PRDM10: variants seen among roughly 807,000 people sequenced by gnomAD.
PRDM10 encodes PR domain zinc finger protein 10.
Under a neutral mutation model 133.1 loss-of-function variants are expected in PRDM10, and 65 were observed. The ratio of observed to expected loss-of-function variants is 0.49; its 90% CI spans 0.40 to 0.60. PRDM10 has a LOEUF of 0.60. PRDM10 is among the 20% of genes least tolerant of loss of function. The pLI is 0.00. For synonymous variants in PRDM10, 582 were observed against 580.4 expected (o/e 1.00, Z -0.04); for missense variants, 1,137 against 1,507.1 (o/e 0.75, Z 4.07).
At chr11:129,934,528 G>C (rs575143837) in intron 9 of PRDM10, among the ~76,000 whole-genome samples, 50 of 151,522 alleles carry the variant, frequency 3.3e-4, no homozygotes, top group Non-Finnish European at 6.8e-4. Context: ...TTTTCCAGGT[G>C]TTATTTTTAT....
At chr11:129,928,406 T>C (rs1294684019) in intron 11 of PRDM10, among the ~76,000 whole-genome samples, 2 of 152,036 alleles carry the variant, frequency 1.3e-5, no homozygotes, top group Non-Finnish European at 2.9e-5. Flanking sequence ...GGGGGGTTTT[T>C]TGAGACATGG....
intron 13 of PRDM10, among the ~76,000 whole-genome samples, chr11:129,922,116 ATCT>A (rs1468466185): frequency 1.1e-4 from 17 of 152,314 alleles, no homozygotes; most frequent in South Asian, 4.1e-4. Flanking sequence ...CTGTAAGAAA[ATCT>A]TCTTCTGTAA....
At chr11:129,990,379 G>A (rs900737244) in intron 1 of PRDM10, among the ~76,000 whole-genome samples, 16 of 151,388 alleles carry the variant, frequency 1.1e-4, no homozygotes, top group African/African-American at 1.7e-4. Context: ...AAAATAAGCC[G>A]GGCGTGGTGG....
At chr11:129,990,250 G>A (rs756189997) in intron 1 of PRDM10, among the ~76,000 whole-genome samples, 2 of 152,084 alleles carry the variant, frequency 1.3e-5, no homozygotes, top group Non-Finnish European at 2.9e-5. Flanking sequence ...GGAGGCTGAG[G>A]CAGGAGAACA....
chr11:129,934,436 A>G (rs1233824019), intron 9 of PRDM10, among the ~76,000 whole-genome samples: 1 of 151,874 alleles, frequency 6.6e-6, no homozygotes, highest in African/African-American at 2.4e-5. Context: ...AACCACCCTC[A>G]TTCCTCCCCC....
At chr11:129,916,546 G>C (rs1950363853) in intron 15 of PRDM10, among the ~76,000 whole-genome samples, 1 of 152,230 alleles carries the variant, frequency 6.6e-6, no homozygotes, top group Non-Finnish European at 1.5e-5. Context: ...GCAGAGGCAG[G>C]AGAATCGCTT....
intron 1 of PRDM10, among the ~76,000 whole-genome samples, chr11:129,988,134 T>C (rs2135985989): frequency 6.6e-6 from 1 of 152,288 alleles, no homozygotes; most frequent in East Asian, 1.9e-4. Flanking sequence ...TAAAATATTA[T>C]ATGAAATATT....
intron 1 of PRDM10, among the ~76,000 whole-genome samples, chr11:129,976,962 T>C (rs1937792111): frequency 6.6e-6 from 1 of 152,206 alleles, no homozygotes; most frequent in South Asian, 2.1e-4. Context: ...TGACTAGTTA[T>C]GAAAAACACA....
intron 6 of PRDM10, among the ~76,000 whole-genome samples, chr11:129,944,167 C>T (rs1951311976): frequency 6.6e-6 from 1 of 152,198 alleles, no homozygotes; most frequent in Admixed American, 6.5e-5. Context: ...TGATCTCAAA[C>T]TTCCAGCTTC....
chr11:129,964,361 A>G (rs1951862590), intron 1 of PRDM10, among the ~76,000 whole-genome samples: 2 of 152,206 alleles, frequency 1.3e-5, no homozygotes, highest in Admixed American at 1.3e-4. Context: ...AGCTGGCTCA[A>G]AATTCAAAAG....
At chr11:129,915,511 C>G in intron 16 of PRDM10, 149 bp downstream of exon 16, 1 of 895,608 alleles carries the variant, frequency 1.1e-6, no homozygotes, top group Non-Finnish European at 1.7e-6. Flanking sequence ...GCTGTGCTCT[C>G]TGTTTACAGT....
intron 4 of PRDM10, among the ~76,000 whole-genome samples, chr11:129,953,879 T>C (rs1398337751): frequency 6.9e-6 from 1 of 144,690 alleles, no homozygotes; most frequent in African/African-American, 2.5e-5. Flanking sequence ...ATAAATGAAG[T>C]ATATAATAGT....
intron 1 of PRDM10, among the ~76,000 whole-genome samples, chr11:129,986,512 G>A (rs1270578754): frequency 1.3e-5 from 2 of 152,094 alleles, no homozygotes; most frequent in Non-Finnish European, 2.9e-5. Context: ...TCAGAAACAC[G>A]AGTAGCTGGG....
chr11:129,986,877 C>T (rs1425425589), intron 1 of PRDM10, among the ~76,000 whole-genome samples: 2 of 152,326 alleles, frequency 1.3e-5, no homozygotes, highest in East Asian at 1.9e-4. Flanking sequence ...ATGAAGTACA[C>T]TGTGCAAATG....
Position 129,957,862 on chromosome 11 carries a change from C to T in PRDM10, c.118G>A (p.Asp40Asn), listed in dbSNP as rs778756450. Residue 40 changes from aspartate to asparagine, a missense_variant, in exon 3 of 21, where the codon GAT becomes AAT. By Grantham distance (23) the Asp-to-Asn change is conservative. Coordinates refer to ENST00000360871, the MANE Select transcript of PRDM10 (RefSeq NM_199437.2). ...TGTVAQIVYT[D>N]DQVRPPQQVV... Reference sequence around the variant, plus strand: ...TGCTGTGGGGGGCGAACCTGGTCATCGGTATAGACAATCTGAGCCACTGTT... The same window carrying T: ...TGCTGTGGGGGGCGAACCTGGTCATTGGTATAGACAATCTGAGCCACTGTT... 5.0e-6 allele frequency: 8 copies of T among 1,613,820 alleles called. No individual in the cohort carries two copies. The highest frequency in any genetic ancestry group is 4.4e-5 in the South Asian group (4 of 91,050).
chr11:129,993,185 A>T (rs925091879), intron 1 of PRDM10, among the ~76,000 whole-genome samples: 1 of 152,166 alleles, frequency 6.6e-6, no homozygotes, highest in African/African-American at 2.4e-5. Flanking sequence ...TCCTTCATTA[A>T]CATGGTTGAA....
intron 1 of PRDM10, among the ~76,000 whole-genome samples, chr11:129,975,720 C>A (rs548735853): frequency 1.3e-5 from 2 of 152,272 alleles, no homozygotes; most frequent in Non-Finnish European, 2.9e-5. Flanking sequence ...GCCACCACTG[C>A]ACTCTCTCCC....
chr11:129,915,977 A>G (rs1950344588), intron 15 of PRDM10, 117 bp from the exon 16 acceptor site: 1 of 914,432 alleles, frequency 1.1e-6, no homozygotes, highest in African/African-American at 1.7e-5. Flanking sequence ...GCCCCAAATA[A>G]AATATATTAA....
At chr11:129,962,374 G>T (rs535364450) in intron 1 of PRDM10, among the ~76,000 whole-genome samples, 2 of 152,236 alleles carry the variant, frequency 1.3e-5, no homozygotes, top group Non-Finnish European at 2.9e-5. Flanking sequence ...CTGGAAAAGA[G>T]AGGATGCCAT....
Sources: gnomAD v4.1 joint callset for allele counts (sites outside exome capture counted in the v4.1 genomes callset) on GRCh38, gnomAD v4.1.1 for gene constraint, MANE v1.5 for transcripts, NCBI Gene and HGNC (gene_info 2026-07-23, HGNC 2026-07-21) for gene names.